The following SPOP variants were observed in gnomAD, a reference collection of about 807,000 sequenced individuals.
SPOP encodes speckle type BTB/POZ protein.
Under a neutral mutation model 45.6 loss-of-function variants are expected in SPOP, and 11 were observed. That is an observed-to-expected ratio of 0.24 (90% CI 0.15 to 0.40). The LOEUF is 0.40. Among genes scored for constraint, SPOP ranks in the 10% least tolerant of loss-of-function variants. SPOP has a pLI of 1.00. For synonymous variants in SPOP, 166 were observed against 166.3 expected (o/e 1.00, Z 0.01); for missense variants, 152 against 465.6 (o/e 0.33, Z 6.20).
chr17:49,668,193 A>G (rs755293063), intron 1 of SPOP: 1 of 152,214 alleles, frequency 6.6e-6, no homozygotes, highest in Non-Finnish European at 1.5e-5. Flanking sequence ...AACACCACTA[A>G]CTGTATCCTT....
chr17:49,600,250 C>G lies in SPOP; in HGVS notation c.*128G>C. ...GTGCTGTTTTAAAAGTCTGGGGCCA[C>G]AATGCAGTCTCTTCCCCTCACAACA... On this transcript the variant is annotated 3_prime_UTR_variant, in exon 10 of 10. Transcript: ENST00000504102. This position sits in a 1 kb window ranked among gnomAD's most constrained non-coding sequence, Gnocchi z 4.2. The G allele has an allele frequency of 8.0e-7, 1 of 1,254,498 alleles. No individual in the cohort carries two copies. The highest frequency in any genetic ancestry group is 2.2e-5 in the Admixed American group (1 of 46,402). 77.7% of individuals were successfully genotyped at this position (1,254,498 alleles called of 1,614,324 possible).
intron 1 of SPOP, among the ~76,000 whole-genome samples, chr17:49,665,773 T>C (rs1403532779): frequency 6.7e-6 from 1 of 149,694 alleles, no homozygotes; most frequent in African/African-American, 2.5e-5. Flanking sequence ...CACCTGAGGT[T>C]AGGAGTTCAA....
intron 1 of SPOP, among the ~76,000 whole-genome samples, chr17:49,658,666 T>C (rs2072947382): frequency 6.6e-6 from 1 of 152,132 alleles, no homozygotes; most frequent in Non-Finnish European, 1.5e-5. Context: ...CAGATAGCAA[T>C]GAGTCAAGTC....
chr17:49,644,022 T>C (rs1193770960), intron 1 of SPOP, among the ~76,000 whole-genome samples: 2 of 150,434 alleles, frequency 1.3e-5, no homozygotes, highest in East Asian at 1.9e-4. Flanking sequence ...GTAACTGAAA[T>C]TTATTAAAAA....
At chr17:49,601,822 A>G in intron 9 of SPOP, 43 bp downstream of exon 9, 1 of 1,608,628 alleles carries the variant, frequency 6.2e-7, no homozygotes, top group Non-Finnish European at 8.5e-7. Context: ...TTCTTCAGCT[A>G]TCCAACTATT....
chr17:49,635,501 G>C (rs752532207), intron 1 of SPOP, among the ~76,000 whole-genome samples: 2 of 152,098 alleles, frequency 1.3e-5, no homozygotes, highest in Non-Finnish European at 2.9e-5. Flanking sequence ...CAAAATGGTG[G>C]AGAGTTTTTT....
chr17:49,612,422 A>G (rs1184660366), intron 5 of SPOP, among the ~76,000 whole-genome samples: 2 of 152,254 alleles, frequency 1.3e-5, no homozygotes, highest in East Asian at 3.8e-4. Flanking sequence ...ATAATGACAT[A>G]CAAGATGCTT....
intron 1 of SPOP, among the ~76,000 whole-genome samples, chr17:49,627,971 G>A (rs937099690): frequency 3.3e-5 from 5 of 152,106 alleles, no homozygotes; most frequent in Non-Finnish European, 5.9e-5. Context: ...AGGAACCATG[G>A]GCAAAGTGTT....
At chr17:49,651,045 C>A (rs984528571) in intron 1 of SPOP, among the ~76,000 whole-genome samples, 5 of 152,306 alleles carry the variant, frequency 3.3e-5, no homozygotes, top group Non-Finnish European at 7.3e-5. Flanking sequence ...ACCTAGCTAT[C>A]ATACTATCTC....
chr17:49,655,491 A>T (rs1343779048), intron 1 of SPOP, among the ~76,000 whole-genome samples: 1 of 152,074 alleles, frequency 6.6e-6, no homozygotes, highest in South Asian at 2.1e-4. Context: ...AACCTGGGCG[A>T]CAGAGCGAGA....
At chr17:49,661,262 T>C (rs988151322) in intron 1 of SPOP, among the ~76,000 whole-genome samples, 6 of 152,236 alleles carry the variant, frequency 3.9e-5, no homozygotes, top group African/African-American at 1.4e-4. Context: ...TGCTTGGCCA[T>C]GGTCGAAAAC....
At chr17:49,604,996 T>C (rs976739372) in intron 8 of SPOP, among the ~76,000 whole-genome samples, 15 of 152,214 alleles carry the variant, frequency 9.9e-5, no homozygotes, top group African/African-American at 3.6e-4. Context: ...TGCAGTAAGA[T>C]AGCAACTATT....
intron 1 of SPOP, among the ~76,000 whole-genome samples, chr17:49,659,354 A>G (rs1010128659): frequency 1.3e-5 from 2 of 152,136 alleles, no homozygotes; most frequent in African/African-American, 4.8e-5. Flanking sequence ...ACCAAAGCCA[A>G]TCACTACCTG....
intron 6 of SPOP, among the ~76,000 whole-genome samples, chr17:49,610,610 C>T (rs535981584): frequency 6.6e-6 from 1 of 152,188 alleles, no homozygotes; most frequent in South Asian, 2.1e-4. Flanking sequence ...CAGGTGTGTA[C>T]TTTAGAATGA....
chr17:49,604,678 C>A (rs2071803384), intron 8 of SPOP, among the ~76,000 whole-genome samples: 1 of 152,164 alleles, frequency 6.6e-6, no homozygotes, highest in African/African-American at 2.4e-5. Flanking sequence ...CATCCTCACG[C>A]CAACTCTACT....
intron 5 of SPOP, among the ~76,000 whole-genome samples, chr17:49,612,196 T>A (rs939398274): frequency 1.3e-5 from 2 of 152,198 alleles, no homozygotes; most frequent in African/African-American, 2.4e-5. Flanking sequence ...ATCTAATAAC[T>A]GAAGCCTAAA....
At chr17:49,645,507 G>A (rs1043404812) in intron 1 of SPOP, among the ~76,000 whole-genome samples, 5 of 151,816 alleles carry the variant, frequency 3.3e-5, no homozygotes, top group East Asian at 1.9e-4. Context: ...ATGTTGGTGA[G>A]GCGGGTCTCG....
In SPOP at chr17:49,677,913, A is replaced by G; in HGVS notation, c.-67+20T>C. On this transcript the variant is annotated intron_variant, in intron 1 of 9. Transcript: ENST00000504102. Reference sequence around the variant, plus strand: ...TCCGACAGGACAACCCCCTCCCTCGACTCTCCTCCCCCCACTCACCTGAGA... The same window carrying G: ...TCCGACAGGACAACCCCCTCCCTCGGCTCTCCTCCCCCCACTCACCTGAGA... 1.9e-5 allele frequency: 1 copy of G among 52,782 alleles called. No individual in the cohort carries two copies. The highest frequency in any genetic ancestry group is 5.3e-4 in the East Asian group (1 of 1,882). 3.3% of individuals were successfully genotyped at this position (52,782 alleles called of 1,614,324 possible).
At chr17:49,677,163 T>C (rs1401156636) in intron 1 of SPOP, among the ~76,000 whole-genome samples, 1 of 152,166 alleles carries the variant, frequency 6.6e-6, no homozygotes, top group Non-Finnish European at 1.5e-5. Context: ...TTAGTCTTCT[T>C]TAGCAAGGCT....
Sources: allele counts gnomAD v4.1 joint callset (sites outside exome capture counted in the v4.1 genomes callset), GRCh38; gene constraint gnomAD v4.1.1; non-coding constraint Gnocchi (gnomAD v3.1); transcripts MANE v1.5; gene names NCBI Gene and HGNC (gene_info 2026-07-23, HGNC 2026-07-21).